Variants in PCDH19 observed in about 807,000 individuals in gnomAD.
PCDH19 encodes protocadherin-19.
A neutral mutation model predicts 46.2 loss-of-function variants in PCDH19; 6 were observed. That is an observed-to-expected ratio of 0.13 (90% confidence interval 0.07 to 0.26). PCDH19 has a LOEUF of 0.26. Among genes scored for constraint, PCDH19 ranks in the 10% least tolerant of loss-of-function variants. PCDH19 has a pLI of 1.00. For synonymous variants in PCDH19, 481 were observed against 415.7 expected, an observed-to-expected ratio of 1.16 and a Z score of -1.91; for missense variants, 740 against 972.3, an observed-to-expected ratio of 0.76 and a Z score of 3.18.
chrX:100,330,715 A>C (rs1925847679), intron 5 of PCDH19, among the ~76,000 whole-genome samples: 1 of 111,526 alleles, frequency 9.0e-6, no homozygotes, highest in Non-Finnish European at 1.9e-5. Context: ...GAGTTCTAAA[A>C]CTCTAGAGTT....
chrX:100,329,986 G>A (rs5920819), intron 5 of PCDH19, among the ~76,000 whole-genome samples: 2,907 of 112,181 alleles, frequency 0.026, 48 homozygotes, highest in Middle Eastern at 0.079. Flanking sequence ...AATTTAAAAC[G>A]GTTCACGTTT....
chrX:100,350,750 A>G, intron 3 of PCDH19, 46 bp from the exon 4 acceptor site: 2 of 871,157 alleles, frequency 2.3e-6, no homozygotes, highest in Non-Finnish European at 3.4e-6. Flanking sequence ...GATGATTCAT[A>G]AGTAGATTTC....
intron 3 of PCDH19, among the ~76,000 whole-genome samples, chrX:100,399,063 G>A (rs1351792554): frequency 2.7e-5 from 3 of 112,185 alleles, no homozygotes; most frequent in African/African-American, 9.7e-5. Flanking sequence ...TCCCCGGGAA[G>A]TAGTACATTA....
Position 100,403,561 on chromosome X carries a change from T to G in PCDH19, c.2251A>C (p.Lys751Gln). Residue 751 changes from lysine to glutamine, a missense_variant, in exon 2 of 6, where the codon AAA becomes CAA. Coordinates refer to ENST00000373034, the MANE Select transcript of PCDH19 (RefSeq NM_001184880.2). ...SVSPISEEQD[K>Q]KTEEKVSLRG... ...AGGCTCACTTTCTCCTCTGTCTTTT[T>G]GTCTTGCTCCTCGCTAATGGGAGAA... 5.0e-6 allele frequency: 6 copies of G among 1,210,625 alleles called. No individual in the cohort carries two copies. Among genetic ancestry groups the G allele is most frequent in the Non-Finnish European group, 6.7e-6 (6 of 895,150 alleles).
chrX:100,393,744 C>A (rs1927937406), intron 3 of PCDH19, among the ~76,000 whole-genome samples: 1 of 111,988 alleles, frequency 8.9e-6, no homozygotes, highest in Non-Finnish European at 1.9e-5. Flanking sequence ...GAGCAGCTTG[C>A]CACAGAACAG....
chrX:100,333,683 A>T (rs1219822762), intron 5 of PCDH19, among the ~76,000 whole-genome samples: 1 of 112,134 alleles, frequency 8.9e-6, no homozygotes, highest in East Asian at 2.8e-4. Context: ...CAACTAATCA[A>T]GAAAAGCTTT....
intron 5 of PCDH19, among the ~76,000 whole-genome samples, chrX:100,335,179 C>T (rs1365229188): frequency 9.0e-6 from 1 of 110,923 alleles, no homozygotes. Context: ...TGTGGTACAG[C>T]AGATAATTGG....
In PCDH19 at chrX:100,407,627, T is replaced by C; in HGVS notation, c.971A>G (p.Asn324Ser). 2 of 1,212,121 alleles carry C rather than the reference T, an allele frequency of 1.7e-6. No individual in the cohort carries two copies. Among genetic ancestry groups the C allele is most frequent in the Non-Finnish European group, 2.2e-6 (2 of 895,607 alleles). The change falls in exon 1 of 6, where the codon AAT (asparagine) becomes AGT (serine). Residue 324 changes from asparagine (N) to serine (S), a missense_variant. Asn to Ser is a conservative substitution (Grantham distance 46). Transcript: ENST00000373034. Reference sequence around the variant, plus strand: ...GACCTTGCAGTGTGCCGGGATGGAATTGGGCCCCAAGTCCTTAGCCTGCAC... The same window carrying C: ...GACCTTGCAGTGTGCCGGGATGGAACTGGGCCCCAAGTCCTTAGCCTGCAC... Reference protein sequence around the residue: ...LDVQAKDLGPNSIPAHCKVTV... With the variant: ...LDVQAKDLGPSSIPAHCKVTV...
At chrX:100,360,045 A>G (rs767878113) in intron 3 of PCDH19, among the ~76,000 whole-genome samples, 1 of 111,928 alleles carries the variant, frequency 8.9e-6, no homozygotes, top group East Asian at 2.8e-4. Context: ...TGTGCAGAGT[A>G]CAATTTCTAT....
chrX:100,405,089 C>T (rs912048346), intron 1 of PCDH19, among the ~76,000 whole-genome samples: 2 of 112,222 alleles, frequency 1.8e-5, no homozygotes, highest in East Asian at 2.8e-4. Flanking sequence ...ACTTGTGTAA[C>T]GCAGAGAATA....
At chrX:100,365,583 G>C (rs1203160536) in intron 3 of PCDH19, among the ~76,000 whole-genome samples, 1 of 111,985 alleles carries the variant, frequency 8.9e-6, no homozygotes, top group Admixed American at 9.5e-5. Context: ...TCCACTGAAA[G>C]CTTTGAAAAA....
chrX:100,402,970 T>C (rs758150456), intron 2 of PCDH19, 119 bp from the exon 3 acceptor site: 2 of 551,339 alleles, frequency 3.6e-6, no homozygotes, highest in African/African-American at 4.5e-5. Context: ...CTTATTCTGG[T>C]GCATTACATC....
intron 3 of PCDH19, among the ~76,000 whole-genome samples, chrX:100,360,430 A>G (rs980137393): frequency 8.9e-6 from 1 of 112,416 alleles, no homozygotes; most frequent in Non-Finnish European, 1.9e-5. Context: ...TTTGTGATCA[A>G]TGAAACCTGC....
intron 5 of PCDH19, among the ~76,000 whole-genome samples, chrX:100,321,854 A>G (rs751820312): frequency 5.7e-5 from 5 of 88,393 alleles, no homozygotes; most frequent in African/African-American, 2.3e-4. Context: ...CAGTGGCGCG[A>G]TCTCGGCTCA....
At chrX:100,313,964 C>T (rs1299949855) in intron 5 of PCDH19, among the ~76,000 whole-genome samples, 1 of 110,272 alleles carries the variant, frequency 9.1e-6, no homozygotes, top group African/African-American at 3.3e-5. Flanking sequence ...GCTTATAGGA[C>T]ACTAATAAAC....
chrX:100,382,463 T>A (rs1927582437), intron 3 of PCDH19, among the ~76,000 whole-genome samples: 1 of 112,316 alleles, frequency 8.9e-6, no homozygotes, highest in African/African-American at 3.2e-5. Flanking sequence ...TTCCTCACCA[T>A]GAACTGGCTA....
chrX:100,350,257 T>C (rs1926528999), intron 4 of PCDH19, among the ~76,000 whole-genome samples: 2 of 112,164 alleles, frequency 1.8e-5, no homozygotes, highest in South Asian at 7.4e-4. Flanking sequence ...TTTTCTATTG[T>C]ATATTTCTAA....
At chrX:100,301,618 C>T (rs1037105337) in intron 5 of PCDH19, among the ~76,000 whole-genome samples, 1 of 111,760 alleles carries the variant, frequency 8.9e-6, no homozygotes, top group African/African-American at 3.3e-5. Context: ...TATTCTGCAT[C>T]ACCTCATGAA....
intron 3 of PCDH19, among the ~76,000 whole-genome samples, chrX:100,366,225 T>C (rs1201421056): frequency 8.9e-6 from 1 of 112,223 alleles, no homozygotes; most frequent in Non-Finnish European, 1.9e-5. Context: ...CAGTATCTTC[T>C]ATTAGTTTTG....
Sources: allele counts gnomAD v4.1 joint callset (sites outside exome capture counted in the v4.1 genomes callset), GRCh38; gene constraint gnomAD v4.1.1; transcripts MANE v1.5; gene names NCBI Gene and HGNC (gene_info 2026-07-23, HGNC 2026-07-21).